ERC2: variants seen among roughly 807,000 people sequenced by gnomAD.
The protein encoded by ERC2 is ELKS/RAB6-interacting/CAST family member 2.
Under a neutral mutation model 114.8 loss-of-function variants are expected in ERC2, and 42 were observed. That is an observed-to-expected ratio of 0.37 (90% CI 0.29 to 0.47). The LOEUF (loss-of-function observed/expected upper bound fraction) is 0.47, where lower values mean the gene tolerates loss of function less well. Ranked by LOEUF, ERC2 falls within the 20% of genes least tolerant of loss-of-function variation. The pLI is 0.99. For synonymous variants in ERC2, 454 were observed against 425.5 expected (o/e 1.07, Z -0.82); for missense variants, 939 against 1,150.7 (o/e 0.82, Z 2.66).
chr3:55,556,826 T>C (rs1441844309), intron 17 of ERC2, among the ~76,000 whole-genome samples: 1 of 152,202 alleles, frequency 6.6e-6, no homozygotes, highest in African/African-American at 2.4e-5. Context: ...GCTTAAGTGA[T>C]TTTGAGCTGG....
At chr3:55,628,763 T>A (rs557522730) in intron 17 of ERC2, among the ~76,000 whole-genome samples, 1 of 152,176 alleles carries the variant, frequency 6.6e-6, no homozygotes, top group Non-Finnish European at 1.5e-5. Flanking sequence ...TAAGAATATT[T>A]TCTCTCCTCC....
chr3:56,009,433 C>T (rs2072746829), intron 9 of ERC2, among the ~76,000 whole-genome samples: 1 of 152,206 alleles, frequency 6.6e-6, no homozygotes, highest in Non-Finnish European at 1.5e-5. Flanking sequence ...TCCTCTTACT[C>T]ATCCATTCTT....
intron 17 of ERC2, among the ~76,000 whole-genome samples, chr3:55,634,560 G>A (rs1047823962): frequency 2.6e-5 from 4 of 152,122 alleles, no homozygotes; most frequent in African/African-American, 7.2e-5. Context: ...TGTCTACGGG[G>A]GAAGCCTAAT....
At chr3:56,266,569 A>C (rs1226336909) in intron 3 of ERC2, among the ~76,000 whole-genome samples, 1 of 152,186 alleles carries the variant, frequency 6.6e-6, no homozygotes, top group African/African-American at 2.4e-5. Flanking sequence ...ACAATGAGAT[A>C]TCTCCCCACT....
chr3:55,558,865 G>C (rs2107466780), intron 17 of ERC2, among the ~76,000 whole-genome samples: 1 of 152,278 alleles, frequency 6.6e-6, no homozygotes, highest in South Asian at 2.1e-4. Flanking sequence ...TCAAACTTTT[G>C]ATCCATCATT....
chr3:55,600,803 A>T (rs1341910341), intron 17 of ERC2, among the ~76,000 whole-genome samples: 2 of 152,174 alleles, frequency 1.3e-5, no homozygotes, highest in African/African-American at 4.8e-5. Context: ...TCTGCGCCTC[A>T]CCTAGAGCCA....
chr3:55,724,737 G>T (rs1051577081), intron 15 of ERC2, among the ~76,000 whole-genome samples: 1 of 152,150 alleles, frequency 6.6e-6, no homozygotes, highest in Admixed American at 6.5e-5. Context: ...CCACTCCTAA[G>T]CCTCACTGAA....
At chr3:56,021,468 A>G (rs2073708761) in intron 7 of ERC2, among the ~76,000 whole-genome samples, 1 of 152,204 alleles carries the variant, frequency 6.6e-6, no homozygotes, top group Non-Finnish European at 1.5e-5. Flanking sequence ...ACATGAGTAA[A>G]TAATAATTTA....
intron 17 of ERC2, among the ~76,000 whole-genome samples, chr3:55,683,389 TGA>T (rs2062155275): frequency 6.6e-6 from 1 of 152,164 alleles, no homozygotes; most frequent in Non-Finnish European, 1.5e-5. Flanking sequence ...CAGAAGGACG[TGA>T]GAGTCACACC....
intron 3 of ERC2, among the ~76,000 whole-genome samples, chr3:56,245,639 G>A (rs573292507): frequency 2.0e-5 from 3 of 151,880 alleles, no homozygotes; most frequent in Non-Finnish European, 4.4e-5. Context: ...CGCCTCCTGG[G>A]TTCAAGCAAT....
At chr3:56,325,504 A>T (rs2057320873) in intron 2 of ERC2, among the ~76,000 whole-genome samples, 1 of 152,136 alleles carries the variant, frequency 6.6e-6, no homozygotes, top group Non-Finnish European at 1.5e-5. Flanking sequence ...GCACAACACA[A>T]CCAGGAGATA....
intron 3 of ERC2, among the ~76,000 whole-genome samples, chr3:56,275,787 A>C (rs561202837): frequency 6.6e-6 from 1 of 152,334 alleles, no homozygotes; most frequent in African/African-American, 2.4e-5. Flanking sequence ...ACTCTATCCC[A>C]CAGGAGACAC....
intron 11 of ERC2, among the ~76,000 whole-genome samples, chr3:55,990,315 C>T (rs138713826): frequency 3.5e-4 from 54 of 152,190 alleles, no homozygotes; most frequent in African/African-American, 1.3e-3. Context: ...CAAACTAATG[C>T]TATTATGAAG....
chr3:56,181,176 T>C (rs1443356448), intron 3 of ERC2, among the ~76,000 whole-genome samples: 1 of 152,218 alleles, frequency 6.6e-6, no homozygotes, highest in African/African-American at 2.4e-5. Context: ...AACCTCTCAG[T>C]ACATGGAGGC....
chr3:56,242,332 A>C (rs2150207488), intron 3 of ERC2, among the ~76,000 whole-genome samples: 1 of 152,270 alleles, frequency 6.6e-6, no homozygotes, highest in Middle Eastern at 3.4e-3. Flanking sequence ...GGAAGGCGGA[A>C]GAGATAAAAG....
intron 3 of ERC2, among the ~76,000 whole-genome samples, chr3:56,187,441 A>T (rs1419834894): frequency 6.6e-6 from 1 of 152,020 alleles, no homozygotes; most frequent in Non-Finnish European, 1.5e-5. Context: ...ATAGGGTAGG[A>T]CTCCATTATT....
At chr3:55,764,063 C>T (rs2067616708) in intron 14 of ERC2, among the ~76,000 whole-genome samples, 1 of 152,184 alleles carries the variant, frequency 6.6e-6, no homozygotes, top group Non-Finnish European at 1.5e-5. Flanking sequence ...AGAAATACTT[C>T]CACTGTTTGC....
intron 2 of ERC2, among the ~76,000 whole-genome samples, chr3:56,405,861 G>A (rs989815898): frequency 1.3e-5 from 2 of 151,166 alleles, no homozygotes; most frequent in African/African-American, 4.9e-5. Flanking sequence ...AAGAGGAACT[G>A]GGTCAAAGGA....
chr3:55,696,318 T>C (rs547958713), intron 16 of ERC2, among the ~76,000 whole-genome samples: 1 of 152,360 alleles, frequency 6.6e-6, no homozygotes, highest in East Asian at 1.9e-4. Context: ...CAACATTTTG[T>C]AGCCCTTCTT....
Sources: allele counts gnomAD v4.1 joint callset (sites outside exome capture counted in the v4.1 genomes callset), GRCh38; gene constraint gnomAD v4.1.1; transcripts MANE v1.5; gene names NCBI Gene and HGNC (gene_info 2026-07-23, HGNC 2026-07-21).